The following MTOR variants were observed in gnomAD, a reference collection of about 807,000 sequenced individuals.
MTOR encodes serine/threonine-protein kinase mTOR.
Under a neutral mutation model 319.8 loss-of-function variants are expected in MTOR, and 70 were observed. The observed-to-expected ratio is 0.22, with a 90% CI of 0.18 to 0.27. The LOEUF is 0.27. Ranked by LOEUF, MTOR falls within the 10% of genes least tolerant of loss-of-function variation. The pLI, the probability that MTOR is intolerant of heterozygous loss-of-function variation, is 1.00. For missense variants in MTOR, 1,890 were observed against 3,274.4 expected, an observed-to-expected ratio of 0.58 and a Z score of 10.32; for synonymous variants, 1,183 against 1,211.4, an observed-to-expected ratio of 0.98 and a Z score of 0.49.
At chr1:11,147,329 G>A (rs888463122) in intron 31 of MTOR, among the ~76,000 whole-genome samples, 2 of 152,120 alleles carry the variant, frequency 1.3e-5, no homozygotes. Context: ...TATTTTAAGC[G>A]ACTCCATTAT....
In MTOR at chr1:11,115,544, T is replaced by C. The variant is rs1553171351; in HGVS notation, c.7017-76A>G. ...GAAAAAATCAATAAGTACGTGATAC[T>C]GTAAGCTAGGAGTTGGCAAACGATA... is the stretch of plus-strand genomic sequence containing the variant. On this transcript the variant is annotated intron_variant, in intron 50 of 57. Transcript: ENST00000361445. The surrounding 1 kb of genome is among the most constrained non-coding windows in gnomAD (Gnocchi z 4.5). 3 of 1,418,388 alleles carry C rather than the reference T, an allele frequency of 2.1e-6. No individual in the cohort carries two copies. The highest frequency in any genetic ancestry group is 3.0e-6 in the Non-Finnish European group (3 of 1,003,824). The allele number at this position is 1,418,388 out of a possible 1,614,324, so 87.9% of individuals were successfully genotyped here. A position where few individuals can be genotyped will look rare whatever the true frequency, so the allele number is the denominator to read the frequency against.
At chr1:11,200,816 C>G (rs548957745) in intron 26 of MTOR, among the ~76,000 whole-genome samples, 2 of 151,838 alleles carry the variant, frequency 1.3e-5, no homozygotes, top group Non-Finnish European at 2.9e-5. Context: ...GAGATCGAGA[C>G]CATCCTGGCT....
chr1:11,191,874 C>T (rs539946394), intron 28 of MTOR, among the ~76,000 whole-genome samples: 3 of 152,280 alleles, frequency 2.0e-5, no homozygotes, highest in South Asian at 2.1e-4. Context: ...GAGATATTCA[C>T]GACTGATTTG....
At chr1:11,226,279 T>C (rs1443019601) in intron 19 of MTOR, 1 of 152,158 alleles carries the variant, frequency 6.6e-6, no homozygotes, top group Non-Finnish European at 1.5e-5. Flanking sequence ...GCACGTATAC[T>C]AGCATTGGAA....
chr1:11,195,325 T>C, intron 28 of MTOR: 1 of 288,086 alleles, frequency 3.5e-6, no homozygotes, highest in Non-Finnish European at 6.5e-6. Context: ...TCCACATGAT[T>C]TGTCTGTGAA....
chr1:11,167,405 C>CTA (rs1350128401), intron 29 of MTOR, 37 bp downstream of exon 29: 16 of 1,562,930 alleles, frequency 1.0e-5, no homozygotes, highest in Non-Finnish European at 1.4e-5. Flanking sequence ...AGCCAAGTCT[C>CTA]TACCTCCTGC....
intron 3 of MTOR, among the ~76,000 whole-genome samples, chr1:11,257,421 G>A (rs1035494503): frequency 1.3e-5 from 2 of 150,050 alleles, no homozygotes; most frequent in South Asian, 2.1e-4. Flanking sequence ...AAATTAGCCA[G>A]GCGTGGTGGC....
chr1:11,148,410 G>A (rs886740040), intron 31 of MTOR, among the ~76,000 whole-genome samples: 3 of 152,134 alleles, frequency 2.0e-5, no homozygotes, highest in Non-Finnish European at 4.4e-5. Context: ...TAGAGCTATC[G>A]AAAACCCTCT....
At chr1:11,150,453 C>A (rs1644100894) in intron 30 of MTOR, among the ~76,000 whole-genome samples, 1 of 152,128 alleles carries the variant, frequency 6.6e-6, no homozygotes, top group African/African-American at 2.4e-5. Flanking sequence ...AGGAACCATG[C>A]CTAACTCTGT....
At chr1:11,172,597 G>A (rs1470130895) in intron 28 of MTOR, among the ~76,000 whole-genome samples, 2 of 148,240 alleles carry the variant, frequency 1.3e-5, no homozygotes, top group Admixed American at 1.4e-4. Context: ...TGGGCCAGGC[G>A]CGGTGGCTCA....
chr1:11,160,842 A>G (rs1375910395), intron 29 of MTOR, among the ~76,000 whole-genome samples: 1 of 152,220 alleles, frequency 6.6e-6, no homozygotes, highest in Admixed American at 6.5e-5. Context: ...GCTCCAGTCT[A>G]CAGCTCCCAG....
chr1:11,238,071 G>T, intron 12 of MTOR, 23 bp from the exon 13 acceptor site: 1 of 1,611,494 alleles, frequency 6.2e-7, no homozygotes, highest in South Asian at 1.1e-5. Context: ...TGGAGCCTTT[G>T]AACATTTCCT....
At position 11,238,604 on chromosome 1, in the gene MTOR, G is replaced by A. The variant is rs373760300; in HGVS notation, c.1800C>T (p.Thr600=). The A allele has an allele frequency of 6.2e-6, 10 of 1,610,858 alleles. No individual in the cohort carries two copies. In the African/African-American group the frequency reaches 1.1e-4, roughly 17 times the overall value. Residue 600 remains threonine, a synonymous_variant, in exon 12 of 58, where the codon ACC becomes ACT. Coordinates refer to ENST00000361445, the MANE Select transcript of MTOR (RefSeq NM_004958.4). ...GSFEFEGHSL[T]QFVRHCADHF... ...GATCCGCACAGTGGCGAACAAATTGGGTCAGAGAGTGGCCTGGATAGAAAG... is the reference window on the plus strand; with the variant it reads ...GATCCGCACAGTGGCGAACAAATTGAGTCAGAGAGTGGCCTGGATAGAAAG...
At chr1:11,125,934 G>A (rs996861470) in intron 46 of MTOR, among the ~76,000 whole-genome samples, 6 of 151,128 alleles carry the variant, frequency 4.0e-5, no homozygotes, top group Admixed American at 3.3e-4. Flanking sequence ...CCAGCTACGC[G>A]GGAGGCTGAG....
chr1:11,159,899 C>T (rs1275701470), intron 29 of MTOR, among the ~76,000 whole-genome samples: 1 of 152,052 alleles, frequency 6.6e-6, no homozygotes, highest in African/African-American at 2.4e-5. Flanking sequence ...GAATTCAATA[C>T]TAAGTTGATT....
intron 28 of MTOR, among the ~76,000 whole-genome samples, chr1:11,189,093 A>G (rs1471193668): frequency 3.3e-5 from 5 of 152,180 alleles, no homozygotes; most frequent in African/African-American, 1.2e-4. Context: ...AGTGGCTGGC[A>G]GGGGCATAAT....
intron 8 of MTOR, 42 bp downstream of exon 8, chr1:11,247,583 T>C (rs541121877): frequency 5.7e-6 from 9 of 1,574,440 alleles, no homozygotes; most frequent in Non-Finnish European, 7.9e-6. Flanking sequence ...GTTCCCTGTT[T>C]ACCCTGAGAT....
At chr1:11,154,746 G>C (rs1644264212) in intron 30 of MTOR, among the ~76,000 whole-genome samples, 5 of 152,120 alleles carry the variant, frequency 3.3e-5, no homozygotes. Flanking sequence ...CTACTCAGGA[G>C]GCTGAGGTGG....
chr1:11,191,828 A>C (rs1645544001), intron 28 of MTOR, among the ~76,000 whole-genome samples: 1 of 152,218 alleles, frequency 6.6e-6, no homozygotes, highest in African/African-American at 2.4e-5. Context: ...CAACAAAAAC[A>C]ACCAACCAGG....
Sources: allele counts gnomAD v4.1 joint callset (sites outside exome capture counted in the v4.1 genomes callset), GRCh38; gene constraint gnomAD v4.1.1; non-coding constraint Gnocchi (gnomAD v3.1); transcripts MANE v1.5; gene names NCBI Gene and HGNC (gene_info 2026-07-23, HGNC 2026-07-21).